The following TP73 variants were observed in gnomAD, a reference collection of about 807,000 sequenced individuals.
The protein encoded by TP73 is p53-like transcription factor.
In TP73, 25 loss-of-function variants were observed where a neutral mutation model predicts 62.5. That is an observed-to-expected ratio of 0.40 (90% CI 0.29 to 0.56). TP73 has a LOEUF of 0.56. Among genes scored for constraint, TP73 ranks in the 20% least tolerant of loss-of-function variants. The pLI is 0.46. For missense variants in TP73, 754 were observed against 913.3 expected (o/e 0.83, Z 2.25); for synonymous variants, 423 against 377.5 (o/e 1.12, Z -1.40).
intron 12 of TP73, 30 bp downstream of exon 12, chr1:3,731,095 T>C (rs1435120411): frequency 6.2e-7 from 1 of 1,602,374 alleles, no homozygotes. Context: ...CCTGAGCATG[T>C]GCTGTCACCC....
At chr1:3,656,253 C>CA (rs1249418883) in intron 1 of TP73, among the ~76,000 whole-genome samples, 1 of 152,124 alleles carries the variant, frequency 6.6e-6, no homozygotes. Flanking sequence ...CTCAGACAGA[C>CA]ATATGCACAT....
Position 3,662,265 on chromosome 1 carries a change from GC to G in TP73, c.-34+9625del, listed in dbSNP as rs796384151. The G allele has an allele frequency of 6.6e-6, 1 of 152,312 alleles. No individual in the cohort carries two copies. Among genetic ancestry groups the G allele is most frequent in the African/African-American group, 2.4e-5 (1 of 41,542 alleles). The allele number at this position is 152,312 out of a possible 1,614,324, so 9.4% of individuals were successfully genotyped here. On this transcript the variant is annotated intron_variant, in intron 1 of 13. Coordinates refer to ENST00000378295, the MANE Select transcript of TP73 (RefSeq NM_005427.4). The surrounding 1 kb of genome is among the most constrained non-coding windows in gnomAD (Gnocchi z 4.4). ...CACGGAGGTCCTTTCATGTCACCAA[GC>G]TGCAGGGGAGGAAAAGTGACATCAG...
chr1:3,684,811 C>T (rs1162342151), intron 3 of TP73, among the ~76,000 whole-genome samples: 2 of 147,412 alleles, frequency 1.4e-5, no homozygotes, highest in Non-Finnish European at 3.0e-5. Flanking sequence ...AGTGTCTGCG[C>T]GTGTTCTAGT....
intron 3 of TP73, among the ~76,000 whole-genome samples, chr1:3,689,157 G>A (rs773403672): frequency 1.8e-4 from 27 of 152,114 alleles, no homozygotes; most frequent in Admixed American, 1.0e-3. Context: ...GGGCATCCCC[G>A]ATCCCAGCAG....
intron 7 of TP73, 70 bp downstream of exon 7, chr1:3,727,294 T>C (rs1199656029): frequency 1.4e-6 from 2 of 1,434,722 alleles, no homozygotes; most frequent in African/African-American, 1.4e-5. Flanking sequence ...GAAGGGGAGC[T>C]GTCATGGAGA....
rs1371020269 is a variant in TP73 at position 3,670,272 on chromosome 1, G to C, written c.-33-12061G>C. 6.6e-6 allele frequency among the ~76,000 whole-genome samples: 1 copy of C among 152,178 alleles called. No individual in the cohort carries two copies. The highest frequency in any genetic ancestry group is 1.5e-5 in the Non-Finnish European group (1 of 68,036). On this transcript the variant is annotated intron_variant, in intron 1 of 13. Coordinates refer to ENST00000378295, the MANE Select transcript of TP73 (RefSeq NM_005427.4). This position sits in a 1 kb window ranked among gnomAD's most constrained non-coding sequence, Gnocchi z 5.9. The stretch of plus-strand genomic sequence containing the variant: ...GGGCCGGGGGACCACATGGGCACAG[G>C]CTTCTGGAATGTGGGTGTCGTCTCC...
At chr1:3,681,141 C>T (rs986204300) in intron 1 of TP73, among the ~76,000 whole-genome samples, 15 of 152,218 alleles carry the variant, frequency 9.9e-5, no homozygotes, top group Non-Finnish European at 2.9e-5. Flanking sequence ...ACGTGGCAGC[C>T]ACAGGCTTCT....
intron 6 of TP73, among the ~76,000 whole-genome samples, chr1:3,725,018 C>CAA (rs777200762): frequency 6.6e-5 from 8 of 121,270 alleles, no homozygotes; most frequent in African/African-American, 1.9e-4. Flanking sequence ...GACTCCGTCT[C>CAA]AAAAAAAAAA....
At chr1:3,669,244 C>A (rs1373037033) in intron 1 of TP73, among the ~76,000 whole-genome samples, 1 of 152,198 alleles carries the variant, frequency 6.6e-6, no homozygotes, top group Non-Finnish European at 1.5e-5. Context: ...TGCAGTGGCT[C>A]CGGGGGCCCA....
chr1:3,662,226 G>C lies in TP73; in HGVS notation c.-34+9585G>C, dbSNP rs1645010481. ...GATCCTGCAGCTGTGGCATCCACAG[G>C]GAGTAAGGCCAGCCACGGAGGTCCT... On this transcript the variant is annotated intron_variant, in intron 1 of 13. Coordinates refer to ENST00000378295, the MANE Select transcript of TP73 (RefSeq NM_005427.4). The surrounding 1 kb of genome is among the most constrained non-coding windows in gnomAD (Gnocchi z 4.4). The C allele has an allele frequency of 6.6e-6, 1 of 152,182 alleles. No homozygotes were observed. The highest frequency in any genetic ancestry group is 2.4e-5 in the African/African-American group (1 of 41,418). 9.4% of individuals were successfully genotyped at this position (152,182 alleles called of 1,614,324 possible).
chr1:3,698,597 A>C (rs1364427266), intron 3 of TP73, among the ~76,000 whole-genome samples: 1 of 151,992 alleles, frequency 6.6e-6, no homozygotes, highest in Non-Finnish European at 1.5e-5. Context: ...AGGGACGTGG[A>C]GAAGGGTCTG....
chr1:3,713,073 G>A lies in TP73; in HGVS notation c.429+5282G>A, dbSNP rs371174396. Among the ~76,000 whole-genome samples the A allele has an allele frequency of 8.5e-4, 129 of 152,362 alleles. 3 individuals carry two copies. In the South Asian group the frequency reaches 0.021, roughly 25 times the overall value. On this transcript the variant is annotated intron_variant, in intron 4 of 13. Coordinates refer to ENST00000378295, the MANE Select transcript of TP73 (RefSeq NM_005427.4). The stretch of plus-strand genomic sequence containing the variant: ...TCCCTAGGGGAGAAAGCCTTGGACC[G>A]AATGGGGTGTGGGGGGAGCCCAGGC...
rs1645112378 is a variant in TP73, at chr1:3,666,277, G to A, written c.-34+13636G>A. Among the ~76,000 whole-genome samples the A allele has an allele frequency of 6.6e-6, 1 of 152,110 alleles. No homozygotes were observed. Among genetic ancestry groups the A allele is most frequent in the Non-Finnish European group, 1.5e-5 (1 of 68,022 alleles). On this transcript the variant is annotated intron_variant, in intron 1 of 13. Transcript: ENST00000378295. This position sits in a 1 kb window ranked among gnomAD's most constrained non-coding sequence, Gnocchi z 6.4. Reference sequence around the variant, plus strand: ...TCTTGCCTGTGTCCTGAGTAGCTGTGACCATAGACACACACCACCACATCC... The same window carrying A: ...TCTTGCCTGTGTCCTGAGTAGCTGTAACCATAGACACACACCACCACATCC...
chr1:3,694,892 C>G (rs12753761), intron 3 of TP73, among the ~76,000 whole-genome samples: 71 of 90,814 alleles, frequency 7.8e-4, no homozygotes, highest in South Asian at 1.2e-3. Context: ...TGCAATCCCA[C>G]CCATGCATCT....
intron 11 of TP73, 78 bp downstream of exon 11, chr1:3,730,226 C>A: frequency 7.2e-7 from 1 of 1,381,754 alleles, no homozygotes; most frequent in Non-Finnish European, 9.5e-7. Context: ...GACACACCAC[C>A]CAGCTCGGGA....
At position 3,701,661 on chromosome 1, in the gene TP73, C is replaced by G. The variant is rs747451903; in HGVS notation, c.187-5888C>G. On this transcript the variant is annotated intron_variant, in intron 3 of 13. Coordinates refer to ENST00000378295, the MANE Select transcript of TP73 (RefSeq NM_005427.4). This position sits in a 1 kb window ranked among gnomAD's most constrained non-coding sequence, Gnocchi z 4.7. ...CTGGGATTACAGGTGCCCACCACCACGCCCAGCTAATTTTTTTTTGTAGTT... is the reference window on the plus strand; with the variant it reads ...CTGGGATTACAGGTGCCCACCACCAGGCCCAGCTAATTTTTTTTTGTAGTT... Among the ~76,000 whole-genome samples the G allele has an allele frequency of 6.6e-6, 1 of 150,446 alleles. No individual in the cohort carries two copies. The highest frequency in any genetic ancestry group is 1.5e-5 in the Non-Finnish European group (1 of 67,698).
chr1:3,685,612 G>A (rs1645633496), intron 3 of TP73, among the ~76,000 whole-genome samples: 1 of 152,210 alleles, frequency 6.6e-6, no homozygotes, highest in Non-Finnish European at 1.5e-5. Context: ...GGAGCGCCAG[G>A]TACAAAGACA....
At chr1:3,716,457 G>T (rs950869426) in intron 4 of TP73, among the ~76,000 whole-genome samples, 7 of 152,232 alleles carry the variant, frequency 4.6e-5, no homozygotes, top group Admixed American at 4.6e-4. Flanking sequence ...GGGAGCCCCA[G>T]CTTAACACCA....
chr1:3,729,270 C>T (rs1412481610), intron 9 of TP73, 57 bp from the exon 10 acceptor site: 28 of 1,607,130 alleles, frequency 1.7e-5, no homozygotes, highest in Non-Finnish European at 2.3e-5. Context: ...GCTGCGGCCA[C>T]CCCCCTCCCG....
Sources: gnomAD v4.1 joint callset for allele counts (sites outside exome capture counted in the v4.1 genomes callset) on GRCh38, gnomAD v4.1.1 for gene constraint, Gnocchi (gnomAD v3.1) non-coding constraint, MANE v1.5 for transcripts, NCBI Gene and HGNC (gene_info 2026-07-23, HGNC 2026-07-21) for gene names.